The following RNF6 variants were observed in gnomAD, a reference collection of about 807,000 sequenced individuals.
The protein encoded by RNF6 is ring finger protein 6, also known as E3 ubiquitin-protein ligase RNF6.
RNF6 carries 21 observed loss-of-function variants against 50.1 expected under a neutral mutation model. The observed-to-expected ratio is 0.42, with a 90% CI of 0.30 to 0.60. The LOEUF is 0.60. Among genes scored for constraint, RNF6 ranks in the 20% least tolerant of loss-of-function variants. RNF6 has a pLI of 0.20. For missense variants in RNF6, 698 were observed against 838.2 expected (o/e 0.83, Z 2.07); for synonymous variants, 255 against 291.8 (o/e 0.87, Z 1.29).
chr13:26,169,167 C>A (rs886612907), intron 5 of RNF6, among the ~76,000 whole-genome samples: 2 of 152,140 alleles, frequency 1.3e-5, no homozygotes, highest in East Asian at 3.8e-4. Flanking sequence ...GGGCTGGTTG[C>A]ATAGAAAGGG....
intron 5 of RNF6, among the ~76,000 whole-genome samples, chr13:26,192,167 T>G (rs1427462878): frequency 1.3e-5 from 2 of 152,222 alleles, no homozygotes; most frequent in Admixed American, 6.5e-5. Flanking sequence ...AGTTGCATTA[T>G]ATGATTTACA....
intron 5 of RNF6, among the ~76,000 whole-genome samples, chr13:26,173,616 T>C (rs932410806): frequency 2.0e-5 from 3 of 151,576 alleles, no homozygotes; most frequent in South Asian, 2.1e-4. Flanking sequence ...CTTGCAGGGG[T>C]TGGGGGCAGA....
chr13:26,211,284 T>C (rs2137730928), downstream of RNF6, among the ~76,000 whole-genome samples: 1 of 152,360 alleles, frequency 6.6e-6, no homozygotes, highest in South Asian at 2.1e-4. Flanking sequence ...CAAATGCCTA[T>C]ATGGGATTTC....
intron 2 of RNF6, among the ~76,000 whole-genome samples, chr13:26,220,118 G>A (rs1566445601): frequency 6.6e-6 from 1 of 152,200 alleles, no homozygotes; most frequent in Non-Finnish European, 1.5e-5. Context: ...TTTCAGCAAG[G>A]TATTCTTTCC....
At chr13:26,167,796 C>A (rs900120683) in intron 5 of RNF6, among the ~76,000 whole-genome samples, 23 of 152,180 alleles carry the variant, frequency 1.5e-4, no homozygotes, top group Non-Finnish European at 2.9e-5. Flanking sequence ...ATGGAATCAA[C>A]CTAAATGCCC....
At chr13:26,137,029 A>T (rs28753934) in intron 5 of RNF6, among the ~76,000 whole-genome samples, 3,042 of 152,258 alleles carry the variant, frequency 0.02, 113 homozygotes, top group African/African-American at 0.069. Context: ...AACAACTCAC[A>T]TTCTCATTAC....
chr13:26,145,186 G>C (rs1258381915), intron 5 of RNF6, among the ~76,000 whole-genome samples: 1 of 152,208 alleles, frequency 6.6e-6, no homozygotes, highest in Non-Finnish European at 1.5e-5. Context: ...ATGTTAATTT[G>C]CTCAAGTGAT....
intron 5 of RNF6, among the ~76,000 whole-genome samples, chr13:26,141,807 G>C (rs567814263): frequency 6.6e-6 from 1 of 152,098 alleles, no homozygotes; most frequent in East Asian, 1.9e-4. Flanking sequence ...ATACCTTTCT[G>C]GACATTGGCC....
chr13:26,188,025 G>T (rs1342700072), intron 5 of RNF6, among the ~76,000 whole-genome samples: 3 of 152,160 alleles, frequency 2.0e-5, no homozygotes, highest in Admixed American at 6.5e-5. Context: ...TCATCATCTG[G>T]GTGAAATGGA....
intron 5 of RNF6, among the ~76,000 whole-genome samples, chr13:26,184,018 A>ATATTTT (rs1335766541): frequency 1.8e-4 from 6 of 33,938 alleles, no homozygotes; most frequent in African/African-American, 5.6e-4. Context: ...ATATATATAT[A>ATATTTT]TTTTTTTTTT....
intron 5 of RNF6, among the ~76,000 whole-genome samples, chr13:26,164,675 T>C (rs1872362744): frequency 6.6e-6 from 1 of 152,192 alleles, no homozygotes; most frequent in Non-Finnish European, 1.5e-5. Context: ...CCTAAAAATC[T>C]CTAAAGAATC....
At position 26,215,501 on chromosome 13, in the gene RNF6, T is replaced by C. The variant is rs12428716; in HGVS notation, c.381A>G (p.Gly127=). The C allele has an allele frequency of 0.011, 18,076 of 1,614,034 alleles. 672 individuals are homozygous for C. Among genetic ancestry groups the C allele is most frequent in the South Asian group, 0.074 (6,784 of 91,082 alleles). The change falls in exon 5 of 5, where the codon GGA becomes GGG. Residue 127 remains glycine, a synonymous_variant. Coordinates refer to ENST00000381588, the MANE Select transcript of RNF6 (RefSeq NM_005977.4). ...CTCTCCAAGTTTGGTTCCCATTTTG[T>C]CCACTTCGAGTTGCATTTCCTGTGC... The part of the protein sequence containing the change: ...FRRTGNATRS[G]QNGNQTWRAV...
chr13:26,213,424 C>A lies in RNF6; in HGVS notation c.*400G>T. The A allele has an allele frequency of 6.5e-6, 1 of 154,972 alleles. No individual in the cohort carries two copies. The highest frequency in any genetic ancestry group is 2.1e-4 in the South Asian group (1 of 4,860). 9.6% of individuals were successfully genotyped at this position (154,972 alleles called of 1,614,324 possible). A position where few individuals can be genotyped will look rare whatever the true frequency, so the allele number is the denominator to read the frequency against. On this transcript the variant is annotated 3_prime_UTR_variant, in exon 5 of 5. Coordinates refer to ENST00000381588, the MANE Select transcript of RNF6 (RefSeq NM_005977.4). ...CTTAAAATAAAAAGTTAATGAAAAG[C>A]TTATTTAGACACAAATGTCTAGATA...
intron 5 of RNF6, chr13:26,135,704 C>T (rs1262546127): frequency 1.3e-5 from 2 of 152,152 alleles, no homozygotes; most frequent in Non-Finnish European, 2.9e-5. Context: ...TTGTCCCCTC[C>T]AAATCTCACG....
intron 5 of RNF6, among the ~76,000 whole-genome samples, chr13:26,142,586 C>A (rs1235379298): frequency 6.6e-6 from 1 of 152,152 alleles, no homozygotes; most frequent in African/African-American, 2.4e-5. Context: ...ATAGATGCAG[C>A]TGGAGGCCAT....
chr13:26,139,184 C>A (rs939594489), intron 5 of RNF6, among the ~76,000 whole-genome samples: 1 of 152,076 alleles, frequency 6.6e-6, no homozygotes, highest in African/African-American at 2.4e-5. Context: ...TCCATTTCTC[C>A]AACTCTCACA....
At chr13:26,169,206 C>T (rs149755993) in intron 5 of RNF6, among the ~76,000 whole-genome samples, 94 of 152,212 alleles carry the variant, frequency 6.2e-4, no homozygotes, top group African/African-American at 2.2e-3. Context: ...ACCCCATCCC[C>T]TCCCTGCTTC....
chr13:26,188,540 G>C (rs1566427027), intron 5 of RNF6, among the ~76,000 whole-genome samples: 1 of 148,056 alleles, frequency 6.8e-6, no homozygotes, highest in Non-Finnish European at 1.5e-5. Context: ...ACACACAGAA[G>C]TGAAGACTGA....
intron 5 of RNF6, among the ~76,000 whole-genome samples, chr13:26,202,607 A>C (rs1026355627): frequency 1.3e-5 from 2 of 151,982 alleles, no homozygotes; most frequent in African/African-American, 2.4e-5. Context: ...CTCTTGCTTC[A>C]CAGCATCACT....
Sources: gnomAD v4.1 joint callset for allele counts (sites outside exome capture counted in the v4.1 genomes callset) on GRCh38, gnomAD v4.1.1 for gene constraint, MANE v1.5 for transcripts, NCBI Gene and HGNC (gene_info 2026-07-23, HGNC 2026-07-21) for gene names.